Variants in AGO2 observed in about 807,000 individuals in gnomAD.
AGO2 encodes the protein argonaute RISC catalytic component 2.
In AGO2, 5 loss-of-function variants were observed where a neutral mutation model predicts 102.3. The observed-to-expected ratio is 0.05, with a 90% CI of 0.03 to 0.10. The LOEUF (loss-of-function observed/expected upper bound fraction) is 0.10. Ranked by LOEUF, AGO2 falls within the 10% of genes least tolerant of loss-of-function variation. AGO2 has a pLI of 1.00. For synonymous variants in AGO2, 449 were observed against 473.1 expected, an observed-to-expected ratio of 0.95 and a Z score of 0.66; for missense variants, 541 against 1,183.7, an observed-to-expected ratio of 0.46 and a Z score of 7.97.
Position 140,549,185 on chromosome 8 carries a change from C to A in AGO2, c.1517G>T (p.Arg506Leu). 1 of 1,613,646 alleles carries A rather than the reference C, an allele frequency of 6.2e-7. No homozygotes were observed. The highest frequency in any genetic ancestry group is 8.5e-7 in the Non-Finnish European group (1 of 1,179,882). ...QGADSVEPMF[R>L]HLKNTYAGLQ... ...GCCCGCATACGTGTTCTTCAGGTGC[C>A]GGAACATGGGCTCCACGCTGTCCGC... The change falls in exon 12 of 19, where the codon CGG (arginine) becomes CTG (leucine). Residue 506 changes from arginine to leucine, a missense_variant. This residue lies in a region of AGO2 where 309 missense variants were observed against 735.1 expected (regional missense o/e 0.42). Transcript: ENST00000220592.
chr8:140,595,854 ATATT>A (rs1328065732), intron 1 of AGO2, among the ~76,000 whole-genome samples: 839 of 26,882 alleles, frequency 0.031, 11 homozygotes, highest in Non-Finnish European at 0.047. Flanking sequence ...TATTATATTT[ATATT>A]ATATACAATT....
At chr8:140,607,664 T>G (rs1033770965) in intron 1 of AGO2, among the ~76,000 whole-genome samples, 1 of 151,886 alleles carries the variant, frequency 6.6e-6, no homozygotes, top group Non-Finnish European at 1.5e-5. Flanking sequence ...AGAGCATTGT[T>G]AGGCGAAAGA....
Position 140,531,956 on chromosome 8 carries a change from G to A in AGO2, c.*88C>T. ...TGACGTCTCATGTTCGATGCTGGCT[G>A]TCACGGAAGGGCTGGCCATCTGTTG... On this transcript the variant is annotated 3_prime_UTR_variant, in exon 19 of 19. Transcript: ENST00000220592. 1 of 1,131,494 alleles carries A rather than the reference G, an allele frequency of 8.8e-7. No homozygotes were observed. The highest frequency in any genetic ancestry group is 1.3e-6 in the Non-Finnish European group (1 of 753,656). 70.1% of individuals were successfully genotyped at this position (1,131,494 alleles called of 1,614,324 possible). A position where few individuals can be genotyped will look rare whatever the true frequency, so the allele number is the denominator to read the frequency against.
Position 140,557,386 on chromosome 8 carries a change from GTTATCTGGA to G in AGO2, c.879-159_879-151del, listed in dbSNP as rs1381150811. The G allele has an allele frequency of 1.9e-6, 2 of 1,037,658 alleles. No individual in the cohort carries two copies. The highest frequency in any genetic ancestry group is 6.4e-5 in the Admixed American group (2 of 31,174). The allele number at this position is 1,037,658 out of a possible 1,614,324, so 64.3% of individuals were successfully genotyped here. ...GTGAAAACCATGTCATGTGCTTTGG[GTTATCTGGA>G]ATGTTTCTGAGCCCCTAAATTCTCA... On this transcript the variant is annotated intron_variant, in intron 7 of 18. Transcript: ENST00000220592. The surrounding 1 kb of genome is among the most constrained non-coding windows in gnomAD (Gnocchi z 5.9).
chr8:140,633,491 G>A (rs2074366104), intron 1 of AGO2, among the ~76,000 whole-genome samples: 1 of 152,204 alleles, frequency 6.6e-6, no homozygotes, highest in Non-Finnish European at 1.5e-5. Context: ...CCAAAAAGCA[G>A]CGAGTGACAG....
At chr8:140,562,069 G>A (rs981184102) in intron 4 of AGO2, among the ~76,000 whole-genome samples, 3 of 152,154 alleles carry the variant, frequency 2.0e-5, no homozygotes, top group Non-Finnish European at 2.9e-5. Flanking sequence ...AAAAAGCAGC[G>A]GTGATGGTCC....
Position 140,562,583 on chromosome 8 carries a change from C to T in AGO2, c.388G>A (p.Val130Met). 1 of 1,614,094 alleles carries T rather than the reference C, an allele frequency of 6.2e-7. No homozygotes were observed. Among genetic ancestry groups the T allele is most frequent in the Non-Finnish European group, 8.5e-7 (1 of 1,180,020 alleles). Residue 130 changes from valine (V) to methionine (M), a missense_variant, in exon 4 of 19, where the codon GTG (valine) becomes ATG (methionine). By Grantham distance (21) the Val-to-Met change is conservative. Transcript: ENST00000220592. The stretch of plus-strand genomic sequence containing the variant: ...ACGCAGGACACCCACTTGATGGACA[C>T]CTTGAAGATGCGATCCTTGCCTTCT... ...PGEGKDRIFK[V>M]SIKWVSCVSL...
chr8:140,560,661 A>G, intron 4 of AGO2, 151 bp from the exon 5 acceptor site: 1 of 953,742 alleles, frequency 1.0e-6, no homozygotes, highest in East Asian at 2.6e-5. Flanking sequence ...ACGGCACTCC[A>G]GCCTGTGTGC....
At chr8:140,556,894 A>C (rs2073105050) in intron 8 of AGO2, among the ~76,000 whole-genome samples, 195 bp downstream of exon 8, 1 of 152,126 alleles carries the variant, frequency 6.6e-6, no homozygotes, top group Non-Finnish European at 1.5e-5. Context: ...CCCACAAGAG[A>C]GCTGCAGACC....
chr8:140,596,944 G>A (rs2073854420), intron 1 of AGO2, among the ~76,000 whole-genome samples: 1 of 152,222 alleles, frequency 6.6e-6, no homozygotes, highest in Non-Finnish European at 1.5e-5. Context: ...GGACCTGCCT[G>A]AGGGTGCCAG....
intron 1 of AGO2, among the ~76,000 whole-genome samples, chr8:140,593,431 A>T (rs2073774212): frequency 6.6e-6 from 1 of 151,474 alleles, no homozygotes; most frequent in Admixed American, 6.6e-5. Flanking sequence ...ACCTCAGGTG[A>T]TCCACCCGCC....
In AGO2 at chr8:140,532,090, G is replaced by A; in HGVS notation, c.2534C>T (p.Ala845Val). ...CAGAGTGTCTTGGTGAACCTGGACC[G>A]CCTTGGCCAGTGCTTGGTGGTCTCG... Reference protein sequence around the residue: ...NGRDHQALAKAVQVHQDTLRT... With the variant: ...NGRDHQALAKVVQVHQDTLRT... The change falls in exon 19 of 19, where the codon GCG (alanine) becomes GTG (valine). Residue 845 changes from alanine to valine, a missense_variant. Coordinates refer to ENST00000220592, the MANE Select transcript of AGO2 (RefSeq NM_012154.5). 1 of 1,614,176 alleles carries A rather than the reference G, an allele frequency of 6.2e-7. No homozygotes were observed. Among genetic ancestry groups the A allele is most frequent in the Non-Finnish European group, 8.5e-7 (1 of 1,180,036 alleles).
chr8:140,563,126 G>A (rs2073229327), intron 3 of AGO2, among the ~76,000 whole-genome samples: 1 of 152,210 alleles, frequency 6.6e-6, no homozygotes, highest in Non-Finnish European at 1.5e-5. Flanking sequence ...AAGCAACTTT[G>A]CTATTTGCTA....
intron 1 of AGO2, among the ~76,000 whole-genome samples, chr8:140,607,309 C>T (rs1003695471): frequency 1.3e-5 from 2 of 150,524 alleles, no homozygotes; most frequent in African/African-American, 4.9e-5. Flanking sequence ...ACATGAAGTC[C>T]CAGCTACTCA....
intron 1 of AGO2, among the ~76,000 whole-genome samples, chr8:140,612,215 T>C (rs1463765472): frequency 2.3e-4 from 20 of 88,176 alleles, no homozygotes; most frequent in African/African-American, 9.3e-4. Flanking sequence ...AGCGAGACTC[T>C]GTCTCAAAAA....
At chr8:140,590,039 T>C (rs1424928627) in intron 1 of AGO2, among the ~76,000 whole-genome samples, 2 of 152,248 alleles carry the variant, frequency 1.3e-5, no homozygotes, top group African/African-American at 4.8e-5. Flanking sequence ...TCGGAACATC[T>C]GCTCCTGTCA....
chr8:140,549,818 G>A (rs1351041673), intron 11 of AGO2, among the ~76,000 whole-genome samples: 1 of 152,216 alleles, frequency 6.6e-6, no homozygotes, highest in African/African-American at 2.4e-5. Context: ...ACAGCAGCCC[G>A]CAGCCTGAGG....
intron 9 of AGO2, 74 bp downstream of exon 9, chr8:140,556,093 A>G: frequency 6.2e-7 from 1 of 1,611,016 alleles, no homozygotes. Flanking sequence ...GTCCGTTCCA[A>G]GCATCAGAGG....
In AGO2 at chr8:140,540,563, T is replaced by C. The variant is rs1319450360; in HGVS notation, c.2034+601A>G. Reference sequence around the variant, plus strand: ...GTCACCTTGATCTGGGGGTGCTGCGTGTGCTCTCAACCAAAGACAGCAACG... The same window carrying C: ...GTCACCTTGATCTGGGGGTGCTGCGCGTGCTCTCAACCAAAGACAGCAACG... On this transcript the variant is annotated intron_variant, in intron 15 of 18. Coordinates refer to ENST00000220592, the MANE Select transcript of AGO2 (RefSeq NM_012154.5). This position sits in a 1 kb window ranked among gnomAD's most constrained non-coding sequence, Gnocchi z 5.0. Among the ~76,000 whole-genome samples, 1 of 152,062 alleles carries C rather than the reference T, an allele frequency of 6.6e-6. No homozygotes were observed. The highest frequency in any genetic ancestry group is 1.5e-5 in the Non-Finnish European group (1 of 67,992).
Sources: gnomAD v4.1 joint callset for allele counts (sites outside exome capture counted in the v4.1 genomes callset) on GRCh38, gnomAD v4.1.1 for gene constraint, gnomAD v4.1.1 regional missense constraint, Gnocchi (gnomAD v3.1) non-coding constraint, MANE v1.5 for transcripts, NCBI Gene and HGNC (gene_info 2026-07-23, HGNC 2026-07-21) for gene names.